SPRTN: variants seen among roughly 807,000 people sequenced by gnomAD.
The protein encoded by SPRTN is DNA-dependent metalloprotease SPRTN.
In SPRTN, 11 loss-of-function variants were observed where a neutral mutation model predicts 31.9. The observed-to-expected ratio is 0.34, with a 90% CI of 0.22 to 0.57. SPRTN has a LOEUF of 0.57. Among genes scored for constraint, SPRTN ranks in the 20% least tolerant of loss-of-function variants. The pLI is 0.86. For missense variants in SPRTN, 482 were observed against 590.1 expected, an observed-to-expected ratio of 0.82 and a Z score of 1.90; for synonymous variants, 185 against 212.1, an observed-to-expected ratio of 0.87 and a Z score of 1.11.
Position 231,339,568 on chromosome 1 carries a change from C to G in SPRTN, c.222-201C>G, listed in dbSNP as rs572042763. ...CACGCTGCTTTCCTTCCTTGCCCGG[C>G]GGGGATCGGAGCCATCGCGGGAGGC... On this transcript the variant is annotated intron_variant, in intron 1 of 4. Coordinates refer to ENST00000295050, the MANE Select transcript of SPRTN (RefSeq NM_032018.7). 8.9e-5 allele frequency: 66 copies of G among 744,994 alleles called. No individual in the cohort carries two copies. In the African/African-American group the frequency reaches 1.0e-3, roughly 11 times the overall value. The allele number at this position is 744,994 out of a possible 1,614,324, so 46.1% of individuals were successfully genotyped here.
At chr1:231,345,302 G>A (rs1687023258) in intron 2 of SPRTN, among the ~76,000 whole-genome samples, 2 of 151,746 alleles carry the variant, frequency 1.3e-5, no homozygotes, top group Admixed American at 1.3e-4. Context: ...TAATTTTTGT[G>A]TGTTTAGTAG....
intron 2 of SPRTN, among the ~76,000 whole-genome samples, chr1:231,346,854 A>G (rs1418325100): frequency 6.6e-6 from 1 of 152,082 alleles, no homozygotes; most frequent in African/African-American, 2.4e-5. Context: ...AGGCACGAGA[A>G]TCACTTGGAC....
intron 3 of SPRTN, among the ~76,000 whole-genome samples, chr1:231,350,119 C>T (rs1261575999): frequency 6.6e-6 from 1 of 152,172 alleles, no homozygotes; most frequent in Admixed American, 6.5e-5. Context: ...TGCCTTAAAA[C>T]CTATGTCCTT....
In SPRTN at chr1:231,338,303, C is replaced by T. The variant is rs1051574509; in HGVS notation, c.-81C>T. 1.2e-5 allele frequency: 18 copies of T among 1,507,464 alleles called. No homozygotes were observed. The highest frequency in any genetic ancestry group is 5.5e-5 in the African/African-American group (4 of 73,104). The allele number at this position is 1,507,464 out of a possible 1,614,324, so 93.4% of individuals were successfully genotyped here. ...CATCTCCTAGGAGCTAGTCCTGGTC[C>T]TCGGCTAGGCGGCTTGGGGTCGCGG... On this transcript the variant is annotated 5_prime_UTR_variant, in exon 1 of 5. Coordinates refer to ENST00000295050, the MANE Select transcript of SPRTN (RefSeq NM_032018.7).
chr1:231,351,653 T>G (rs1221339690), intron 4 of SPRTN, 82 bp downstream of exon 4: 1 of 1,541,252 alleles, frequency 6.5e-7, no homozygotes, highest in South Asian at 1.3e-5. Flanking sequence ...AGAACTGGTA[T>G]TAAGATAAAC....
rs769925092 is a variant in SPRTN, at chr1:231,338,365, G to T, written c.-19G>T. ...AGCCAGCCTGACGCCGGCGGACCCCGCCTGTGATCCTGGCAACGATGGATG... is the reference window on the plus strand; with the variant it reads ...AGCCAGCCTGACGCCGGCGGACCCCTCCTGTGATCCTGGCAACGATGGATG... On this transcript the variant is annotated 5_prime_UTR_variant, in exon 1 of 5. Transcript: ENST00000295050. 1 of 1,612,132 alleles carries T rather than the reference G, an allele frequency of 6.2e-7. No homozygotes were observed. The highest frequency in any genetic ancestry group is 1.7e-5 in the Admixed American group (1 of 60,020).
chr1:231,351,523 G>A lies in SPRTN; in HGVS notation c.670G>A (p.Gly224Arg). ...EPENYSKKGK[G>R]KAKLGKEPVL... Reference sequence around the variant, plus strand: ...AGAGAATTACTCAAAAAAAGGCAAAGGAAAGGCAAAACTAGGAAAGGAACC... The same window carrying A: ...AGAGAATTACTCAAAAAAAGGCAAAAGAAAGGCAAAACTAGGAAAGGAACC... The change falls in exon 4 of 5, where the codon GGA becomes AGA. Residue 224 changes from glycine (G) to arginine (R), a missense_variant. Gly to Arg is a moderately radical substitution (Grantham distance 125, BLOSUM62 -2). Coordinates refer to ENST00000295050, the MANE Select transcript of SPRTN (RefSeq NM_032018.7). The A allele has an allele frequency of 6.2e-7, 1 of 1,614,148 alleles. No homozygotes were observed. The highest frequency in any genetic ancestry group is 1.3e-5 in the African/African-American group (1 of 75,026).
At chr1:231,345,946 AG>A (rs1350884204) in intron 2 of SPRTN, among the ~76,000 whole-genome samples, 2 of 151,894 alleles carry the variant, frequency 1.3e-5, no homozygotes, top group Non-Finnish European at 2.9e-5. Flanking sequence ...CTGAGTAGCT[AG>A]GACTACAGAT....
At chr1:231,346,720 A>G (rs1324074833) in intron 2 of SPRTN, among the ~76,000 whole-genome samples, 1 of 152,134 alleles carries the variant, frequency 6.6e-6, no homozygotes, top group African/African-American at 2.4e-5. Context: ...AGGCGGGCAG[A>G]TTGCTTGAGG....
chr1:231,353,604 TA>T lies in SPRTN; in HGVS notation c.*245del. On this transcript the variant is annotated 3_prime_UTR_variant, in exon 5 of 5. Coordinates refer to ENST00000295050, the MANE Select transcript of SPRTN (RefSeq NM_032018.7). ...TAACCCAGGTTCTGCCTGTCGTGTA[TA>T]AGTTTTAGATACTTTTGTTCTTTCT... 1 of 1,181,548 alleles carries T rather than the reference TA, an allele frequency of 8.5e-7. No individual in the cohort carries two copies. The highest frequency in any genetic ancestry group is 1.6e-5 in the African/African-American group (1 of 63,290). 73.2% of individuals were successfully genotyped at this position (1,181,548 alleles called of 1,614,324 possible). A position where few individuals can be genotyped will look rare whatever the true frequency, so the allele number is the denominator to read the frequency against.
chr1:231,340,368 A>G (rs1438106789), intron 2 of SPRTN, among the ~76,000 whole-genome samples: 1 of 152,180 alleles, frequency 6.6e-6, no homozygotes, highest in Non-Finnish European at 1.5e-5. Context: ...CTCTGTCTCA[A>G]AAAAATAAAA....
At chr1:231,344,759 T>C in intron 2 of SPRTN, 1 of 296,522 alleles carries the variant, frequency 3.4e-6, no homozygotes, top group Non-Finnish European at 7.5e-6. Context: ...AAAAAATTAT[T>C]TATATTTTTT....
At chr1:231,346,183 CTTTT>C (rs71583771) in intron 2 of SPRTN, among the ~76,000 whole-genome samples, 47,143 of 88,526 alleles carry the variant, frequency 0.53, 11,852 homozygotes, top group Middle Eastern at 0.71. Flanking sequence ...CTTTTCTTTT[CTTTT>C]TTTTTTTTTT....
In SPRTN at chr1:231,353,306, T is replaced by TG; in HGVS notation, c.1417dup (p.Asp473GlyfsTer5). On this transcript the variant is annotated frameshift_variant, in exon 5 of 5. Coordinates refer to ENST00000295050, the MANE Select transcript of SPRTN (RefSeq NM_032018.7). LOFTEE classifies it low-confidence loss of function (END_TRUNC). ...CTGGAGTCTCAGATTAATGAGCACT[T>TG]GGACTGGTGCCTTGAAGGTGACAGC... 6.2e-7 allele frequency: 1 copy of TG among 1,605,528 alleles called. No homozygotes were observed. The highest frequency in any genetic ancestry group is 8.5e-7 in the Non-Finnish European group (1 of 1,177,838).
chr1:231,343,163 G>A (rs756276802), intron 2 of SPRTN, among the ~76,000 whole-genome samples: 8 of 151,824 alleles, frequency 5.3e-5, no homozygotes, highest in South Asian at 2.1e-4. Context: ...GCCTAGGAGC[G>A]GCAGGCTATA....
chr1:231,339,423 G>A (rs1260805049), intron 1 of SPRTN: 3 of 497,046 alleles, frequency 6.0e-6, no homozygotes, highest in Non-Finnish European at 3.8e-6. Context: ...AAGGGGAGCT[G>A]CAGTTGGGCC....
chr1:231,340,288 A>AC (rs1686840880), intron 2 of SPRTN, among the ~76,000 whole-genome samples: 1 of 152,020 alleles, frequency 6.6e-6, no homozygotes, highest in South Asian at 2.1e-4. Flanking sequence ...AATGGCATGA[A>AC]CTGAGGAGGC....
intron 3 of SPRTN, 73 bp from the exon 4 acceptor site, chr1:231,351,231 A>C: frequency 2.5e-6 from 3 of 1,202,716 alleles, no homozygotes; most frequent in South Asian, 3.5e-5. Flanking sequence ...AAAAAAAAAG[A>C]CTGCTTATGT....
Position 231,347,938 on chromosome 1 carries a change from A to G in SPRTN, c.450+13A>G. On this transcript the variant is annotated intron_variant, in intron 3 of 4. Transcript: ENST00000295050. ...AGCCAATATAACGGTATAGAAAGCC[A>G]TATCTATTTATGATGTTTAGTAGTT... 6.2e-7 allele frequency: 1 copy of G among 1,602,604 alleles called. No homozygotes were observed. Among genetic ancestry groups the G allele is most frequent in the South Asian group, 1.1e-5 (1 of 88,650 alleles).
Sources: gnomAD v4.1 joint callset for allele counts (sites outside exome capture counted in the v4.1 genomes callset) on GRCh38, gnomAD v4.1.1 for gene constraint, MANE v1.5 for transcripts, NCBI Gene and HGNC (gene_info 2026-07-23, HGNC 2026-07-21) for gene names.